The following RYR2 variants were observed in gnomAD, a reference collection of about 807,000 sequenced individuals.
The protein encoded by RYR2 is cardiac muscle ryanodine receptor-calcium release channel.
Under a neutral mutation model 601.1 loss-of-function variants are expected in RYR2, and 227 were observed. The observed-to-expected ratio is 0.38, with a 90% CI of 0.34 to 0.42. The LOEUF (loss-of-function observed/expected upper bound fraction) is 0.42. Ranked by LOEUF, RYR2 falls within the 10% of genes least tolerant of loss-of-function variation. The pLI is 1.00. For missense variants in RYR2, 4,646 were observed against 6,156.5 expected, an observed-to-expected ratio of 0.75 and a Z score of 8.21; for synonymous variants, 2,223 against 2,175.1, an observed-to-expected ratio of 1.02 and a Z score of -0.61.
chr1:237,313,007 G>T (rs867107094), intron 2 of RYR2, among the ~76,000 whole-genome samples: 1 of 150,542 alleles, frequency 6.6e-6, no homozygotes, highest in Non-Finnish European at 1.5e-5. Flanking sequence ...TTTAATACAA[G>T]ATATTTAATA....
At position 237,716,975 on chromosome 1, in the gene RYR2, A is replaced by T. The variant is rs753881997; in HGVS notation, c.10324-223A>T. On this transcript the variant is annotated intron_variant, in intron 71 of 104. Coordinates refer to ENST00000366574, the MANE Select transcript of RYR2 (RefSeq NM_001035.3). ...TCTTCTAAAAATTACGTGGGAATGC[A>T]TACCAGTGAATTATAATGACCTAGG... Among the ~76,000 whole-genome samples, 174 of 152,320 alleles carry T rather than the reference A, an allele frequency of 1.1e-3. 2 individuals carry two copies. The highest frequency in any genetic ancestry group is 1.6e-3 in the Non-Finnish European group (111 of 68,030).
At chr1:237,679,950 T>G (rs139636900) in intron 61 of RYR2, among the ~76,000 whole-genome samples, 1 of 152,156 alleles carries the variant, frequency 6.6e-6, no homozygotes, top group East Asian at 1.9e-4. Context: ...AAATGGAAAG[T>G]GCACTTTAAG....
chr1:237,399,575 T>G (rs1703158981), intron 10 of RYR2, among the ~76,000 whole-genome samples: 1 of 152,206 alleles, frequency 6.6e-6, no homozygotes, highest in South Asian at 2.1e-4. Flanking sequence ...AATCTACTTC[T>G]GCAGAAGGGT....
chr1:237,182,473 T>C (rs1218527858), intron 1 of RYR2, among the ~76,000 whole-genome samples: 1 of 152,182 alleles, frequency 6.6e-6, no homozygotes, highest in Non-Finnish European at 1.5e-5. Flanking sequence ...TTCCTGGAAA[T>C]TGTCACCATC....
chr1:237,717,345 C>G lies in RYR2; in HGVS notation c.10471C>G (p.Leu3491Val), dbSNP rs747700917. The change falls in exon 72 of 105, where the codon CTG becomes GTG. Residue 3491 changes from leucine (L) to valine (V), a missense_variant. Leu to Val is a conservative substitution (Grantham distance 32). Transcript: ENST00000366574. ...CCCTGGGGACCAGGAGCTCATTGCT[C>G]TGGCCAAAAATCGATTTAGCCTGGT... ...CAPGDQELIA[L>V]AKNRFSLKDT... The G allele has an allele frequency of 1.2e-6, 2 of 1,606,742 alleles. No individual in the cohort carries two copies. Among genetic ancestry groups the G allele is most frequent in the Non-Finnish European group, 8.5e-7 (1 of 1,175,806 alleles).
intron 27 of RYR2, among the ~76,000 whole-genome samples, chr1:237,563,411 CAA>C (rs35997311): frequency 7.5e-6 from 1 of 132,602 alleles, no homozygotes; most frequent in Non-Finnish European, 1.6e-5. Context: ...AACTCCATCT[CAA>C]AAAAAAAAAA....
chr1:237,495,506 T>A (rs1025063888), intron 19 of RYR2, among the ~76,000 whole-genome samples: 1 of 152,168 alleles, frequency 6.6e-6, no homozygotes, highest in Non-Finnish European at 1.5e-5. Flanking sequence ...CCTTCTATGT[T>A]TTTGTTTGTT....
intron 58 of RYR2, among the ~76,000 whole-genome samples, chr1:237,673,515 C>T (rs768887982): frequency 2.0e-5 from 3 of 151,978 alleles, no homozygotes; most frequent in Non-Finnish European, 2.9e-5. Flanking sequence ...TACTTGCCCA[C>T]GTGGTTTAAA....
intron 38 of RYR2, among the ~76,000 whole-genome samples, chr1:237,618,626 G>C (rs1324494180): frequency 6.6e-6 from 1 of 152,160 alleles, no homozygotes; most frequent in African/African-American, 2.4e-5. Context: ...TAAAGGATCA[G>C]GGAAGGGGCA....
At chr1:237,386,841 A>T (rs1701991426) in intron 8 of RYR2, among the ~76,000 whole-genome samples, 1 of 152,168 alleles carries the variant, frequency 6.6e-6, no homozygotes, top group Non-Finnish European at 1.5e-5. Context: ...AAGACCCCAT[A>T]AGACGCCTAA....
intron 29 of RYR2, among the ~76,000 whole-genome samples, chr1:237,582,453 A>G (rs1341786468): frequency 6.6e-6 from 1 of 151,718 alleles, no homozygotes; most frequent in Non-Finnish European, 1.5e-5. Context: ...TTGATTTTAG[A>G]TTCAGAAGCT....
At chr1:237,508,526 C>T (rs959579956) in intron 23 of RYR2, among the ~76,000 whole-genome samples, 18 of 151,016 alleles carry the variant, frequency 1.2e-4, no homozygotes, top group African/African-American at 4.1e-4. Flanking sequence ...GCAAATATTT[C>T]AACGGGCTTC....
chr1:237,345,056 A>G (rs1298487682), intron 3 of RYR2, among the ~76,000 whole-genome samples: 1 of 152,036 alleles, frequency 6.6e-6, no homozygotes, highest in East Asian at 1.9e-4. Context: ...TGATCCGCCC[A>G]CTTCGGACTC....
intron 92 of RYR2, among the ~76,000 whole-genome samples, chr1:237,789,143 T>A (rs1012285317): frequency 1.3e-5 from 2 of 151,978 alleles, no homozygotes; most frequent in Admixed American, 6.6e-5. Flanking sequence ...ACCAGTGATG[T>A]TAGACCTAGA....
At chr1:237,123,747 A>C (rs898397324) in intron 1 of RYR2, among the ~76,000 whole-genome samples, 24 of 140,148 alleles carry the variant, frequency 1.7e-4, no homozygotes, top group African/African-American at 6.5e-4. Context: ...GGCTCACTGC[A>C]AGCTCCGCTT....
At chr1:237,606,577 T>G (rs996923268) in intron 35 of RYR2, among the ~76,000 whole-genome samples, 2 of 152,132 alleles carry the variant, frequency 1.3e-5, no homozygotes, top group African/African-American at 4.8e-5. Context: ...TGGGATCTAA[T>G]TAAACTAAAG....
At chr1:237,136,149 GC>G (rs1397117235) in intron 1 of RYR2, among the ~76,000 whole-genome samples, 1 of 152,216 alleles carries the variant, frequency 6.6e-6, no homozygotes, top group African/African-American at 2.4e-5. Flanking sequence ...CACCAGCTTA[GC>G]CCGTTGAGTT....
chr1:237,777,814 C>T (rs907970682), intron 87 of RYR2, among the ~76,000 whole-genome samples: 1 of 152,182 alleles, frequency 6.6e-6, no homozygotes, highest in African/African-American at 2.4e-5. Flanking sequence ...AATACCAGAA[C>T]ACTAATGGTT....
chr1:237,719,222 A>T (rs775886518), intron 73 of RYR2, among the ~76,000 whole-genome samples: 1 of 152,166 alleles, frequency 6.6e-6, no homozygotes, highest in Non-Finnish European at 1.5e-5. Flanking sequence ...GTGCCACTGC[A>T]CTCCAGCCTA....
Sources: gnomAD v4.1 joint callset for allele counts (sites outside exome capture counted in the v4.1 genomes callset) on GRCh38, gnomAD v4.1.1 for gene constraint, MANE v1.5 for transcripts, NCBI Gene and HGNC (gene_info 2026-07-23, HGNC 2026-07-21) for gene names.